ANKMY1: variants seen among roughly 807,000 people sequenced by gnomAD.
ANKMY1 encodes ankyrin repeat and MYND domain-containing protein 1.
Under a neutral mutation model 102.0 loss-of-function variants are expected in ANKMY1, and 98 were observed. The observed-to-expected ratio is 0.96, with a 90% confidence interval of 0.82 to 1.14. The LOEUF is 1.14. Among genes scored for constraint, ANKMY1 ranks in the 50% most tolerant of loss-of-function variants. The pLI, the probability that ANKMY1 is intolerant of heterozygous loss-of-function variation, is 0.00. For synonymous variants in ANKMY1, 582 were observed against 559.9 expected (o/e 1.04, Z -0.56); for missense variants, 1,330 against 1,347.6 (o/e 0.99, Z 0.20).
chr2:240,520,310 T>G lies in ANKMY1; in HGVS notation c.2004+52A>C. 2 of 1,493,506 alleles carry G rather than the reference T, an allele frequency of 1.3e-6. No individual in the cohort carries two copies. Among genetic ancestry groups the G allele is most frequent in the Non-Finnish European group, 1.8e-6 (2 of 1,115,620 alleles). 92.5% of individuals were successfully genotyped at this position (1,493,506 alleles called of 1,614,324 possible). A position where few individuals can be genotyped will look rare whatever the true frequency, so the allele number is the denominator to read the frequency against. On this transcript the variant is annotated intron_variant, in intron 9 of 17. Coordinates refer to ENST00000401804, the MANE Select transcript of ANKMY1 (RefSeq NM_001282771.3). This position sits in a 1 kb window ranked among gnomAD's most constrained non-coding sequence, Gnocchi z 4.8. ...GTGGAGCGAGGAGCTTCCCGGCCAG[T>G]GCCCGGGAGTCTGCTGCGCTCGTCC...
rs532514124 is a variant in ANKMY1 at position 240,526,633 on chromosome 2, C to T, written c.954-188G>A. ...TGCTCACAATCCACTAGGTTGCACACGGTGGTGCAGACATGCCACCTGGAG... is the reference window on the plus strand; with the variant it reads ...TGCTCACAATCCACTAGGTTGCACATGGTGGTGCAGACATGCCACCTGGAG... On this transcript the variant is annotated intron_variant, in intron 5 of 17. Coordinates refer to ENST00000401804, the MANE Select transcript of ANKMY1 (RefSeq NM_001282771.3). 5.2e-4 allele frequency: 758 copies of T among 1,444,276 alleles called. 5 individuals are homozygous for T. In the African/African-American group the frequency reaches 8.7e-3, roughly 17 times the overall value. 89.5% of individuals were successfully genotyped at this position (1,444,276 alleles called of 1,614,324 possible).
chr2:240,508,210 GGAA>G (rs1009120618), intron 12 of ANKMY1, among the ~76,000 whole-genome samples: 5 of 152,374 alleles, frequency 3.3e-5, no homozygotes, highest in Admixed American at 6.5e-5. Context: ...ATTCCACCCA[GGAA>G]GAAGGACAGC....
In ANKMY1 at chr2:240,529,116, C is replaced by G. The variant is rs372318335; in HGVS notation, c.874G>C (p.Val292Leu). 1 of 1,614,178 alleles carries G rather than the reference C, an allele frequency of 6.2e-7. No individual in the cohort carries two copies. Residue 292 changes from valine (V) to leucine (L), a missense_variant, in exon 5 of 18, where the codon GTT becomes CTT. By Grantham distance (32) the Val-to-Leu change is conservative. Transcript: ENST00000401804. The surrounding 1 kb of genome is among the most constrained non-coding windows in gnomAD (Gnocchi z 4.2). ...RIFLNEIPPF[V>L]EDGEPWFIIN... Reference sequence around the variant, plus strand: ...ATGAACCATGGTTCTCCATCCTCAACGAACGGAGGAATTTCATTGAGGAAG... The same window carrying G: ...ATGAACCATGGTTCTCCATCCTCAAGGAACGGAGGAATTTCATTGAGGAAG...
chr2:240,543,349 T>A (rs1247656086), intron 4 of ANKMY1, among the ~76,000 whole-genome samples: 4 of 149,566 alleles, frequency 2.7e-5, no homozygotes, highest in Non-Finnish European at 5.9e-5. Context: ...CGAGACTCTT[T>A]CTCAAAAAAA....
In ANKMY1 at chr2:240,557,171, G is replaced by C. The variant is rs771967000; in HGVS notation, c.146+19C>G. The C allele has an allele frequency of 1.4e-6, 2 of 1,464,290 alleles. No individual in the cohort carries two copies. The highest frequency in any genetic ancestry group is 1.8e-6 in the Non-Finnish European group (2 of 1,098,420). 90.7% of individuals were successfully genotyped at this position (1,464,290 alleles called of 1,614,324 possible). A position where few individuals can be genotyped will look rare whatever the true frequency, so the allele number is the denominator to read the frequency against. On this transcript the variant is annotated intron_variant, in intron 2 of 17. Transcript: ENST00000401804. ...CCCCAGGTCAGGGTCGGACCTCCCC[G>C]CTGGAGGGTCCCCCGCACCTTGTGG...
chr2:240,505,393 C>T (rs1328242491), intron 13 of ANKMY1, among the ~76,000 whole-genome samples: 11 of 150,594 alleles, frequency 7.3e-5, no homozygotes, highest in African/African-American at 2.4e-4. Context: ...ACCTGAGAGG[C>T]GGAGGTTGCA....
chr2:240,557,410 G>A (rs1009125202), intron 1 of ANKMY1, 58 bp from the exon 2 acceptor site: 111 of 1,405,852 alleles, frequency 7.9e-5, no homozygotes, highest in Non-Finnish European at 9.6e-5. Flanking sequence ...CGAACTCAGA[G>A]GGCGCCCGAG....
Position 240,525,801 on chromosome 2 carries a change from C to T in ANKMY1, c.1219G>A (p.Asp407Asn), listed in dbSNP as rs150045023. 1.4e-5 allele frequency: 22 copies of T among 1,614,120 alleles called. No individual in the cohort carries two copies. The highest frequency in any genetic ancestry group is 1.0e-4 in the Admixed American group (6 of 60,020). Residue 407 changes from aspartate (D) to asparagine (N), a missense_variant, in exon 7 of 18, where the codon GAC becomes AAC. Physicochemically the swap from Asp to Asn is conservative, Grantham distance 23 (BLOSUM62 1). Coordinates refer to ENST00000401804, the MANE Select transcript of ANKMY1 (RefSeq NM_001282771.3). ...CCCTCATCTGAGCACTTGTTCACGT[C>T]GGCCCCACAGTCCAGGAGAAGGTTG... is the stretch of plus-strand genomic sequence containing the variant. Reference protein sequence around the residue: ...IVNLLLDCGADVNKCSDEGLT... With the variant: ...IVNLLLDCGANVNKCSDEGLT...
In ANKMY1 at chr2:240,554,936, C is replaced by G. The variant is rs2092120549; in HGVS notation, c.266G>C (p.Cys89Ser). 6.2e-7 allele frequency: 1 copy of G among 1,614,192 alleles called. No individual in the cohort carries two copies. The highest frequency in any genetic ancestry group is 1.3e-5 in the African/African-American group (1 of 75,058). Residue 89 changes from cysteine to serine, a missense_variant, in exon 3 of 18, where the codon TGC becomes TCC. Cys to Ser is a moderately radical substitution (Grantham distance 112). Coordinates refer to ENST00000401804, the MANE Select transcript of ANKMY1 (RefSeq NM_001282771.3). ...CAACCCAAACTCCCCCTGGTACATG[C>G]AACCATCCTGCCACTCCTGCACACC... ...VQGVQEWQDG[C>S]MYQGEFGLNM...
At chr2:240,528,989 C>T in intron 5 of ANKMY1, 48 bp downstream of exon 5, 1 of 1,574,620 alleles carries the variant, frequency 6.4e-7, no homozygotes, top group Non-Finnish European at 8.7e-7. Context: ...CCTAGGGCAG[C>T]CTGCACAGTG....
At chr2:240,505,440 T>C (rs6437347) in intron 13 of ANKMY1, among the ~76,000 whole-genome samples, 94,288 of 151,040 alleles carry the variant, frequency 0.62, 29,755 homozygotes, top group East Asian at 0.77. Context: ...CCAGCCTGGG[T>C]AACAGAGTGA....
intron 12 of ANKMY1, among the ~76,000 whole-genome samples, chr2:240,508,188 C>T (rs1388009727): frequency 6.6e-6 from 1 of 152,264 alleles, no homozygotes; most frequent in Non-Finnish European, 1.5e-5. Context: ...GTGTGCCCAG[C>T]CGCCAGCTCA....
chr2:240,530,191 T>C (rs1315865822), intron 4 of ANKMY1, among the ~76,000 whole-genome samples: 2 of 152,168 alleles, frequency 1.3e-5, no homozygotes, highest in Non-Finnish European at 2.9e-5. Flanking sequence ...GAGCGGCCAC[T>C]GCCAGGTGCC....
chr2:240,529,029 C>G lies in ANKMY1; in HGVS notation c.953+8G>C. 3 of 1,613,206 alleles carry G rather than the reference C, an allele frequency of 1.9e-6. No individual in the cohort carries two copies. The highest frequency in any genetic ancestry group is 2.2e-5 in the South Asian group (2 of 91,008). On this transcript the variant is annotated splice_region_variant and intron_variant, in intron 5 of 17. Transcript: ENST00000401804. The surrounding 1 kb of genome is among the most constrained non-coding windows in gnomAD (Gnocchi z 4.2). Reference sequence around the variant, plus strand: ...GCCCTAGGGGAGGAGCAGTAGCAGACTAGTCACCTGAACTTGTAAGTTTGC... The same window carrying G: ...GCCCTAGGGGAGGAGCAGTAGCAGAGTAGTCACCTGAACTTGTAAGTTTGC...
chr2:240,554,550 C>T, intron 3 of ANKMY1: 2 of 286,508 alleles, frequency 7.0e-6, no homozygotes, highest in East Asian at 6.4e-5. Flanking sequence ...AGCCTAGACA[C>T]AGGCAATTTC....
chr2:240,486,188 C>T (rs2076041316), intron 15 of ANKMY1, among the ~76,000 whole-genome samples: 1 of 152,144 alleles, frequency 6.6e-6, no homozygotes, highest in Non-Finnish European at 1.5e-5. Flanking sequence ...TGAGTTACCA[C>T]TTGGAGTCAT....
At chr2:240,478,899 C>G (rs2075043753), downstream of ANKMY1, among the ~76,000 whole-genome samples, 4 of 152,138 alleles carry the variant, frequency 2.6e-5, no homozygotes, top group South Asian at 8.3e-4. Context: ...GGACGCTGTC[C>G]CCTTGTCTCC....
rs944896652 is a variant in ANKMY1 at position 240,484,042 on chromosome 2, C to A, written c.2807-1781G>T. On this transcript the variant is annotated intron_variant, in intron 15 of 17. Transcript: ENST00000401804. ...AGCCTTTTTATGGCTGCATAGTATT[C>A]CATGGTGAATATGTGCCACATTTTC... 2.7e-4 allele frequency among the ~76,000 whole-genome samples: 41 copies of A among 152,312 alleles called. 1 individual carries two copies. The highest frequency in any genetic ancestry group is 2.5e-3 in the Admixed American group (38 of 15,298).
In ANKMY1 at chr2:240,534,376, G is replaced by A. The variant is rs146360901; in HGVS notation, c.481-4867C>T. 9.0e-3 allele frequency among the ~76,000 whole-genome samples: 1,375 copies of A among 152,324 alleles called. 10 individuals carry two copies. Among genetic ancestry groups the A allele is most frequent in the African/African-American group, 0.031 (1,309 of 41,564 alleles). The stretch of plus-strand genomic sequence containing the variant: ...AATCCTAAACCTTTGGGAGGCTGAG[G>A]CAGGAGGAACACTTGAGCCCGGGAG... On this transcript the variant is annotated intron_variant, in intron 4 of 17. Coordinates refer to ENST00000401804, the MANE Select transcript of ANKMY1 (RefSeq NM_001282771.3).
Sources: allele counts gnomAD v4.1 joint callset (sites outside exome capture counted in the v4.1 genomes callset), GRCh38; gene constraint gnomAD v4.1.1; non-coding constraint Gnocchi (gnomAD v3.1); transcripts MANE v1.5; gene names NCBI Gene and HGNC (gene_info 2026-07-23, HGNC 2026-07-21).